The following LRCH1 variants were observed in gnomAD, a reference collection of about 807,000 sequenced individuals.
The protein encoded by LRCH1 is leucine-rich repeat and calponin homology domain-containing protein 1.
A neutral mutation model predicts 94.9 loss-of-function variants in LRCH1; 23 were observed. The ratio of observed to expected loss-of-function variants is 0.24; its 90% CI spans 0.17 to 0.34. The LOEUF is 0.34. Among genes scored for constraint, LRCH1 ranks in the 10% least tolerant of loss-of-function variants. The probability of loss-of-function intolerance (pLI) is 1.00; values close to 1 mark genes in which losing one functional copy is unlikely to be tolerated. For synonymous variants in LRCH1, 364 were observed against 354.9 expected, an observed-to-expected ratio of 1.03 and a Z score of -0.29; for missense variants, 790 against 945.9, an observed-to-expected ratio of 0.84 and a Z score of 2.16.
intron 1 of LRCH1, among the ~76,000 whole-genome samples, chr13:46,572,480 T>C (rs991472801): frequency 1.3e-5 from 2 of 152,140 alleles, no homozygotes; most frequent in African/African-American, 4.8e-5. Context: ...TAGATGCCAG[T>C]TGGAGAACAG....
chr13:46,715,235 A>G (rs1163012300), intron 15 of LRCH1, among the ~76,000 whole-genome samples: 4 of 152,072 alleles, frequency 2.6e-5, no homozygotes, highest in Non-Finnish European at 5.9e-5. Flanking sequence ...TACCTAACCT[A>G]TGGGTACTCT....
chr13:46,567,808 G>A (rs1416861744), intron 1 of LRCH1, among the ~76,000 whole-genome samples: 1 of 152,142 alleles, frequency 6.6e-6, no homozygotes, highest in Non-Finnish European at 1.5e-5. Context: ...CTTGGAATCA[G>A]TATGTTAATG....
chr13:46,714,452 A>G (rs1872223177), intron 15 of LRCH1, among the ~76,000 whole-genome samples: 1 of 152,206 alleles, frequency 6.6e-6, no homozygotes, highest in Admixed American at 6.5e-5. Context: ...TTTAAAAGAA[A>G]CCACTTTTGA....
intron 3 of LRCH1, among the ~76,000 whole-genome samples, chr13:46,672,304 GT>G (rs2051610973): frequency 6.6e-6 from 1 of 150,506 alleles, no homozygotes; most frequent in Non-Finnish European, 1.5e-5. Context: ...TGGCTTGCAA[GT>G]TTTGCCAATT....
At chr13:46,582,110 A>G (rs1215294360) in intron 1 of LRCH1, among the ~76,000 whole-genome samples, 2 of 147,806 alleles carry the variant, frequency 1.4e-5, no homozygotes, top group East Asian at 4.0e-4. Flanking sequence ...AAATCATGCC[A>G]CAGCACTCCA....
chr13:46,656,403 C>T (rs555730151), intron 2 of LRCH1, among the ~76,000 whole-genome samples: 2 of 152,044 alleles, frequency 1.3e-5, no homozygotes, highest in Admixed American at 6.6e-5. Context: ...TTGTTCAATT[C>T]GATAAAAATG....
intron 1 of LRCH1, among the ~76,000 whole-genome samples, chr13:46,607,798 C>T (rs73190987): frequency 0.017 from 2,614 of 151,252 alleles, 28 homozygotes; most frequent in Middle Eastern, 0.034. Context: ...AACTTCCTGG[C>T]GAGTGAGGGG....
chr13:46,603,952 C>T (rs1235257003), intron 1 of LRCH1, among the ~76,000 whole-genome samples: 7 of 152,306 alleles, frequency 4.6e-5, no homozygotes, highest in South Asian at 2.1e-4. Context: ...CCACCATGCC[C>T]GGCCAAACTT....
chr13:46,609,047 C>A (rs2050718663), intron 1 of LRCH1, among the ~76,000 whole-genome samples: 1 of 152,262 alleles, frequency 6.6e-6, no homozygotes, highest in East Asian at 1.9e-4. Context: ...CAGCCTCCAC[C>A]CAGGCATTTT....
intron 1 of LRCH1, among the ~76,000 whole-genome samples, chr13:46,607,630 T>C (rs1052372586): frequency 2.6e-5 from 4 of 151,604 alleles, no homozygotes; most frequent in Non-Finnish European, 5.9e-5. Flanking sequence ...CTCCCCTTCC[T>C]CCTCTTCCTT....
At chr13:46,597,241 C>T (rs533413812) in intron 1 of LRCH1, among the ~76,000 whole-genome samples, 6 of 152,232 alleles carry the variant, frequency 3.9e-5, no homozygotes, top group East Asian at 1.9e-4. Context: ...ATACTGTAAA[C>T]GAGTGTCCTG....
At chr13:46,582,659 T>TTTTTTTTTTTTTTTTTTTTTTTTTTTG (rs2050385145) in intron 1 of LRCH1, among the ~76,000 whole-genome samples, 1 of 104,752 alleles carries the variant, frequency 9.5e-6, no homozygotes, top group Admixed American at 1.1e-4. Flanking sequence ...TTTTTTTTTT[T>TTTTTTTTTTTTTTTTTTTTTTTTTTTG]TTTTTTTTTT....
intron 1 of LRCH1, among the ~76,000 whole-genome samples, chr13:46,605,971 C>T (rs959365167): frequency 6.6e-6 from 1 of 152,144 alleles, no homozygotes; most frequent in African/African-American, 2.4e-5. Context: ...GACTCAGAGA[C>T]ATGAAGTGAC....
chr13:46,732,337 T>C (rs571053015), intron 18 of LRCH1, among the ~76,000 whole-genome samples: 85 of 152,322 alleles, frequency 5.6e-4, no homozygotes, highest in African/African-American at 2.0e-3. Flanking sequence ...AAGCAAAACA[T>C]TGGCATTTCA....
intron 13 of LRCH1, among the ~76,000 whole-genome samples, chr13:46,708,055 A>G (rs934577847): frequency 1.3e-5 from 2 of 152,212 alleles, no homozygotes; most frequent in African/African-American, 4.8e-5. Context: ...TAGTGGCAGC[A>G]CTAAGTCTTG....
Position 46,669,156 on chromosome 13 carries a change from G to T in LRCH1, c.579G>T (p.Leu193=). The change falls in exon 3 of 20, where the codon CTG becomes CTT. Residue 193 remains leucine (L), a splice_region_variant and synonymous_variant. Transcript: ENST00000389797. ...EIGQLKQLME[L]DVSCNEITAL... The stretch of plus-strand genomic sequence containing the variant: ...GTCAGCTCAAACAGTTAATGGAGCT[G>T]GTATGTTACCGATTTTTAAGATGCT... 1 of 1,613,210 alleles carries T rather than the reference G, an allele frequency of 6.2e-7. No individual in the cohort carries two copies. Among genetic ancestry groups the T allele is most frequent in the Non-Finnish European group, 8.5e-7 (1 of 1,179,524 alleles).
At chr13:46,692,418 A>G in intron 7 of LRCH1, 118 bp from the exon 8 acceptor site, 1 of 706,122 alleles carries the variant, frequency 1.4e-6, no homozygotes, top group South Asian at 2.3e-5. Context: ...GTATCTGGCA[A>G]CTTATATTCA....
intron 1 of LRCH1, among the ~76,000 whole-genome samples, chr13:46,631,727 TATAC>T (rs1478112530): frequency 2.6e-5 from 4 of 152,226 alleles, no homozygotes; most frequent in Middle Eastern, 3.2e-3. Flanking sequence ...TGTGATAAAA[TATAC>T]ATAAGATTTA....
At chr13:46,752,586 A>G (rs1874186037) in exon 19 of LRCH1, 1 of 152,232 alleles carries the variant, frequency 6.6e-6, no homozygotes, top group African/African-American at 2.4e-5. Flanking sequence ...AATGATGTAA[A>G]GAAACATTTT....
Sources: gnomAD v4.1 joint callset for allele counts (sites outside exome capture counted in the v4.1 genomes callset) on GRCh38, gnomAD v4.1.1 for gene constraint, MANE v1.5 for transcripts, NCBI Gene and HGNC (gene_info 2026-07-23, HGNC 2026-07-21) for gene names.